Variants in ZMYM2 observed in about 807,000 individuals in gnomAD.
The protein encoded by ZMYM2 is zinc finger MYM-type containing 2.
ZMYM2 carries 56 observed loss-of-function variants against 162.8 expected under a neutral mutation model. The observed-to-expected ratio is 0.34, with a 90% CI of 0.28 to 0.43. The LOEUF (loss-of-function observed/expected upper bound fraction) is 0.43. Among genes scored for constraint, ZMYM2 ranks in the 20% least tolerant of loss-of-function variants. ZMYM2 has a pLI of 1.00. For synonymous variants in ZMYM2, 510 were observed against 541.6 expected (o/e 0.94, Z 0.81); for missense variants, 1,275 against 1,621.8 (o/e 0.79, Z 3.67).
chr13:19,972,163 C>A (rs1228527778), intron 2 of ZMYM2, among the ~76,000 whole-genome samples: 2 of 152,150 alleles, frequency 1.3e-5, no homozygotes, highest in Non-Finnish European at 2.9e-5. Flanking sequence ...TAGACTCTGT[C>A]ATAACCCTTG....
At chr13:20,014,213 A>G (rs1462158258) in intron 6 of ZMYM2, among the ~76,000 whole-genome samples, 1 of 152,076 alleles carries the variant, frequency 6.6e-6, no homozygotes, top group Non-Finnish European at 1.5e-5. Context: ...AGCTGGGACT[A>G]CAGGCGCCTG....
At chr13:20,080,079 A>G (rs1279771447) in intron 21 of ZMYM2, among the ~76,000 whole-genome samples, 1 of 152,212 alleles carries the variant, frequency 6.6e-6, no homozygotes, top group East Asian at 1.9e-4. Flanking sequence ...ATTTTAAGCA[A>G]TCACTGCTGT....
chr13:20,058,866 C>A, intron 15 of ZMYM2, 162 bp downstream of exon 15: 5 of 890,566 alleles, frequency 5.6e-6, no homozygotes, highest in Non-Finnish European at 9.3e-6. Context: ...CTGGAGAATA[C>A]AGCATCTCAT....
chr13:19,950,850 T>A, the ZMYM2 span, among the ~76,000 whole-genome samples: 6 of 152,230 alleles, frequency 3.9e-5, no homozygotes, highest in Non-Finnish European at 8.8e-5. Context: ...ATCTTGGAAA[T>A]AATCTAATCT....
chr13:19,990,285 A>G (rs1272579886), intron 2 of ZMYM2, among the ~76,000 whole-genome samples: 1 of 152,218 alleles, frequency 6.6e-6, no homozygotes, highest in Non-Finnish European at 1.5e-5. Flanking sequence ...TGAATTAGCT[A>G]GTTGGCCTTG....
chr13:19,960,294 G>A (rs1186032908), intron 2 of ZMYM2, among the ~76,000 whole-genome samples: 1 of 152,216 alleles, frequency 6.6e-6, no homozygotes, highest in East Asian at 1.9e-4. Context: ...CACGTTACCC[G>A]GGAGGAGGGG....
In ZMYM2 at chr13:20,059,463, A is replaced by C; in HGVS notation, c.2640A>C (p.Thr880=). 1 of 1,612,714 alleles carries C rather than the reference A, an allele frequency of 6.2e-7. No individual in the cohort carries two copies. Among genetic ancestry groups the C allele is most frequent in the Non-Finnish European group, 8.5e-7 (1 of 1,178,790 alleles). The change falls in exon 16 of 25, where the codon ACA becomes ACC. Residue 880 remains threonine, a synonymous_variant. Transcript: ENST00000610343. The part of the protein sequence containing the change: ...KSCQTDDTWR[T]EYVPVPIPVP... The stretch of plus-strand genomic sequence containing the variant: ...TGTTTTTAGATGATACTTGGAGGAC[A>C]GAATATGTTCCAGTGCCTATCCCTG...
intron 10 of ZMYM2, among the ~76,000 whole-genome samples, chr13:20,033,817 C>T (rs1005545063): frequency 3.9e-5 from 6 of 152,180 alleles, no homozygotes; most frequent in Admixed American, 1.3e-4. Context: ...CATGATACAT[C>T]TGTTACTATT....
upstream of ZMYM2, among the ~76,000 whole-genome samples, chr13:19,957,638 T>C (rs1167046187): frequency 3.3e-5 from 5 of 152,228 alleles, no homozygotes; most frequent in Non-Finnish European, 4.4e-5. Flanking sequence ...CAGCGGGCTG[T>C]GGAGGGAGCC....
At chr13:19,883,680 A>G in the ZMYM2 span, among the ~76,000 whole-genome samples, 269 of 152,324 alleles carry the variant, frequency 1.8e-3, 1 homozygote, top group Middle Eastern at 0.01. Context: ...CTGAAGCAGT[A>G]TATTAGGCCC....
intron 2 of ZMYM2, among the ~76,000 whole-genome samples, chr13:19,971,160 C>G (rs1203108985): frequency 1.3e-5 from 2 of 149,952 alleles, no homozygotes; most frequent in Non-Finnish European, 3.0e-5. Flanking sequence ...TAGGCTTTCT[C>G]CTAAGTATAC....
At chr13:19,906,284 G>GTGTATATATA in the ZMYM2 span, among the ~76,000 whole-genome samples, 2 of 63,790 alleles carry the variant, frequency 3.1e-5, no homozygotes, top group Admixed American at 2.4e-4. Context: ...TCAAAAAAAA[G>GTGTATATATA]TATATATATA....
At chr13:19,873,411 T>TA in the ZMYM2 span, among the ~76,000 whole-genome samples, 1 of 150,868 alleles carries the variant, frequency 6.6e-6, no homozygotes, top group South Asian at 2.1e-4. Context: ...TTTATTTATT[T>TA]ATTTATTTAT....
chr13:20,001,965 A>T (rs974532232), intron 3 of ZMYM2, among the ~76,000 whole-genome samples: 39 of 152,184 alleles, frequency 2.6e-4, no homozygotes, highest in African/African-American at 8.9e-4. Context: ...AAAAATTCCC[A>T]TGTCTTGCTT....
intron 3 of ZMYM2, among the ~76,000 whole-genome samples, chr13:20,001,711 T>C (rs1950405060): frequency 1.3e-5 from 2 of 152,222 alleles, no homozygotes; most frequent in African/African-American, 4.8e-5. Flanking sequence ...ATCATTGTTA[T>C]CTTATTTTAA....
At chr13:19,893,962 A>G in the ZMYM2 span, among the ~76,000 whole-genome samples, 2 of 151,950 alleles carry the variant, frequency 1.3e-5, no homozygotes, top group South Asian at 2.1e-4. Flanking sequence ...TCTGAATTCA[A>G]TAATATAATG....
chr13:20,007,626 T>C (rs1159335501), intron 6 of ZMYM2, among the ~76,000 whole-genome samples: 3 of 151,146 alleles, frequency 2.0e-5, no homozygotes, highest in Non-Finnish European at 4.4e-5. Flanking sequence ...TTTAGTTTTT[T>C]TTTTTTTTTT....
intron 3 of ZMYM2, among the ~76,000 whole-genome samples, chr13:19,996,138 T>G (rs1227430516): frequency 1.3e-5 from 2 of 152,178 alleles, no homozygotes; most frequent in African/African-American, 4.8e-5. Flanking sequence ...TGTCATCATT[T>G]TAGGCTCATT....
intron 17 of ZMYM2, 145 bp downstream of exon 17, chr13:20,061,369 T>C: frequency 1.4e-5 from 10 of 692,124 alleles, no homozygotes; most frequent in South Asian, 3.0e-5. Flanking sequence ...TTTTTTATAT[T>C]AAGAGATCTA....
Sources: allele counts gnomAD v4.1 joint callset (sites outside exome capture counted in the v4.1 genomes callset), GRCh38; gene constraint gnomAD v4.1.1; transcripts MANE v1.5; gene names NCBI Gene and HGNC (gene_info 2026-07-23, HGNC 2026-07-21).